GGA3: variants seen among roughly 807,000 people sequenced by gnomAD.
GGA3 encodes the protein golgi associated, gamma adaptin ear containing, ARF binding protein 3, also known as ADP-ribosylation factor-binding protein GGA3.
Under a neutral mutation model 77.5 loss-of-function variants are expected in GGA3, and 57 were observed. That is an observed-to-expected ratio of 0.74 (90% confidence interval 0.59 to 0.92). The LOEUF is 0.92. Ranked by LOEUF, GGA3 falls within the 40% of genes least tolerant of loss-of-function variation. The pLI is 0.00. For missense variants in GGA3, 970 were observed against 914.9 expected, an observed-to-expected ratio of 1.06 and a Z score of -0.78; for synonymous variants, 416 against 383.7, an observed-to-expected ratio of 1.08 and a Z score of -0.98.
intron 1 of GGA3, among the ~76,000 whole-genome samples, chr17:75,252,716 T>A (rs567932190): frequency 5.9e-5 from 9 of 152,326 alleles, no homozygotes; most frequent in Admixed American, 3.9e-4. Flanking sequence ...CCACAAAAGA[T>A]GTAAAAATAG....
At chr17:75,250,258 G>A (rs1251114445) in intron 1 of GGA3, among the ~76,000 whole-genome samples, 1 of 152,158 alleles carries the variant, frequency 6.6e-6, no homozygotes, top group Non-Finnish European at 1.5e-5. Flanking sequence ...CCGCCCCTCC[G>A]GGCTCTGCTC....
Position 75,242,436 on chromosome 17 carries a change from T to G in GGA3, c.647A>C (p.His216Pro). Residue 216 changes from histidine (H) to proline (P), a missense_variant, in exon 8 of 17, where the codon CAC becomes CCC. Physicochemically the swap from His to Pro is moderately conservative, Grantham distance 77. Transcript: ENST00000537686. ...GTTGTTGTTAACTTCCTCTAACGTG[T>G]GCAGACGCTTGGTCACCTTCTGGAT... ...ARIQKVTKRL[H>P]TLEEVNNNVR... 1.2e-6 allele frequency: 2 copies of G among 1,614,146 alleles called. No homozygotes were observed. Among genetic ancestry groups the G allele is most frequent in the Non-Finnish European group, 1.7e-6 (2 of 1,179,968 alleles).
At chr17:75,262,314 G>T (rs748036390), upstream of GGA3, 13 of 735,962 alleles carry the variant, frequency 1.8e-5, no homozygotes, top group African/African-American at 2.3e-4. Context: ...GACTTTACCC[G>T]CCTGCTTGGG....
chr17:75,236,935 T>C lies in GGA3; in HGVS notation c.*1344A>G, dbSNP rs1350058249. 1 of 162,240 alleles carries C rather than the reference T, an allele frequency of 6.2e-6. No individual in the cohort carries two copies. The highest frequency in any genetic ancestry group is 1.4e-5 in the Non-Finnish European group (1 of 73,030). The allele number at this position is 162,240 out of a possible 1,614,324, so 10.1% of individuals were successfully genotyped here. ...GAAGGGATATGACCTCTTCCCATAGTAAGGAATAAGGAAGCCTGGCAAGGG... is the reference window on the plus strand; with the variant it reads ...GAAGGGATATGACCTCTTCCCATAGCAAGGAATAAGGAAGCCTGGCAAGGG... On this transcript the variant is annotated 3_prime_UTR_variant, in exon 17 of 17. Transcript: ENST00000537686.
At position 75,238,062 on chromosome 17, in the gene GGA3, C is replaced by G. The variant is rs749469952; in HGVS notation, c.*217G>C. On this transcript the variant is annotated 3_prime_UTR_variant, in exon 17 of 17. Coordinates refer to ENST00000537686, the MANE Select transcript of GGA3 (RefSeq NM_138619.4). ...CACCCCTGACAGCATATGGCCACTT[C>G]AAGTCACACAGGTAGATAAAAACAG... is the stretch of plus-strand genomic sequence containing the variant. 2 of 1,371,782 alleles carry G rather than the reference C, an allele frequency of 1.5e-6. No individual in the cohort carries two copies. The highest frequency in any genetic ancestry group is 1.5e-5 in the African/African-American group (1 of 68,122). The allele number at this position is 1,371,782 out of a possible 1,614,324, so 85.0% of individuals were successfully genotyped here.
At position 75,241,597 on chromosome 17, in the gene GGA3, C is replaced by T. The variant is rs181126076; in HGVS notation, c.829+18G>A. ...TCCAAATGCCTGGCTTATCCCTGAC[C>T]GTCGCTCTTTCACTCACCCAAACTG... is the stretch of plus-strand genomic sequence containing the variant. On this transcript the variant is annotated intron_variant, in intron 9 of 16. Transcript: ENST00000537686. The T allele has an allele frequency of 1.1e-5, 17 of 1,611,894 alleles. No individual in the cohort carries two copies. Among genetic ancestry groups the T allele is most frequent in the African/African-American group, 4.0e-5 (3 of 74,876 alleles).
intron 15 of GGA3, 63 bp from the exon 16 acceptor site, chr17:75,238,825 C>T: frequency 1.3e-6 from 2 of 1,518,234 alleles, no homozygotes; most frequent in East Asian, 2.3e-5. Context: ...ACCTGCAGTG[C>T]ACACACACAC....
intron 1 of GGA3, among the ~76,000 whole-genome samples, chr17:75,252,671 C>T (rs1266391590): frequency 1.3e-5 from 2 of 152,180 alleles, no homozygotes; most frequent in East Asian, 1.9e-4. Context: ...ATGACTTGCA[C>T]GTATACATCC....
intron 1 of GGA3, among the ~76,000 whole-genome samples, chr17:75,250,148 C>T (rs1434596548): frequency 6.6e-6 from 1 of 152,206 alleles, no homozygotes; most frequent in Admixed American, 6.5e-5. Context: ...TGCCTACTGC[C>T]TCCCCAGCAG....
At chr17:75,239,627 T>A in intron 13 of GGA3, 56 bp from the exon 14 acceptor site, 2 of 1,481,298 alleles carry the variant, frequency 1.4e-6, no homozygotes, top group Admixed American at 2.0e-5. Flanking sequence ...GCTGCAGGAC[T>A]CTCACCCAAG....
chr17:75,243,427 G>A lies in GGA3; in HGVS notation c.424+20C>T. 1 of 1,613,864 alleles carries A rather than the reference G, an allele frequency of 6.2e-7. No homozygotes were observed. ...AGCCTTCGAGGGCTGCCTGGAGGCT[G>A]CGGGCAGGCAGACACGTACCCTGTC... On this transcript the variant is annotated intron_variant, in intron 5 of 16. Transcript: ENST00000537686.
At chr17:75,239,752 A>T (rs765607142) in intron 13 of GGA3, 37 bp downstream of exon 13, 6 of 1,606,338 alleles carry the variant, frequency 3.7e-6, no homozygotes, top group Non-Finnish European at 5.1e-6. Flanking sequence ...ATTCAGGCCC[A>T]ACCCTCAGCA....
At chr17:75,246,384 T>G in intron 3 of GGA3, 125 bp downstream of exon 3, 2 of 674,242 alleles carry the variant, frequency 3.0e-6, no homozygotes, top group Middle Eastern at 4.0e-4. Context: ...GAGATCTATC[T>G]AGTCTGTATC....
At chr17:75,244,173 G>A (rs961941637) in intron 4 of GGA3, among the ~76,000 whole-genome samples, 5 of 152,160 alleles carry the variant, frequency 3.3e-5, no homozygotes, top group African/African-American at 9.7e-5. Context: ...CTTTAGCATG[G>A]TAAAGTATTC....
chr17:75,243,966 C>T (rs1484970544), intron 4 of GGA3, among the ~76,000 whole-genome samples: 3 of 152,140 alleles, frequency 2.0e-5, no homozygotes, highest in Non-Finnish European at 2.9e-5. Context: ...ACCATGCCCT[C>T]GGTGCTCACC....
At chr17:75,240,441 A>T (rs1245034287) in intron 11 of GGA3, 29 bp from the exon 12 acceptor site, 7 of 1,482,562 alleles carry the variant, frequency 4.7e-6, no homozygotes, top group Non-Finnish European at 6.5e-6. Flanking sequence ...ACAGGATGAG[A>T]AGAGGCTCTG....
intron 1 of GGA3, among the ~76,000 whole-genome samples, chr17:75,248,570 T>G (rs2076841724): frequency 6.8e-6 from 1 of 147,554 alleles, no homozygotes; most frequent in African/African-American, 2.5e-5. Flanking sequence ...GCGGATCACC[T>G]GAGGTCAGGA....
chr17:75,242,209 A>G, intron 8 of GGA3, 127 bp downstream of exon 8: 1 of 967,768 alleles, frequency 1.0e-6, no homozygotes, highest in Non-Finnish European at 1.6e-6. Context: ...CAGATGAGTA[A>G]GGTCATGAAT....
intron 1 of GGA3, among the ~76,000 whole-genome samples, chr17:75,259,106 A>G (rs1287390758): frequency 6.6e-6 from 1 of 152,016 alleles, no homozygotes; most frequent in Non-Finnish European, 1.5e-5. Context: ...GGCGCCCGCC[A>G]CTACGCCTGG....
Sources: gnomAD v4.1 joint callset for allele counts (sites outside exome capture counted in the v4.1 genomes callset) on GRCh38, gnomAD v4.1.1 for gene constraint, MANE v1.5 for transcripts, NCBI Gene and HGNC (gene_info 2026-07-23, HGNC 2026-07-21) for gene names.